Variants in CEP350 observed in about 807,000 individuals in gnomAD.
CEP350 encodes the protein centrosome-associated protein 350.
A neutral mutation model predicts 331.8 loss-of-function variants in CEP350; 126 were observed. The ratio of observed to expected loss-of-function variants is 0.38; its 90% CI spans 0.33 to 0.44. CEP350 has a LOEUF of 0.44. Among genes scored for constraint, CEP350 ranks in the 20% least tolerant of loss-of-function variants. CEP350 has a pLI of 1.00. For synonymous variants in CEP350, 1,200 were observed against 1,259.5 expected (o/e 0.95, Z 1.00); for missense variants, 3,406 against 3,634.6 (o/e 0.94, Z 1.62).
intron 1 of CEP350, among the ~76,000 whole-genome samples, chr1:179,978,851 T>A (rs1652067792): frequency 6.6e-6 from 1 of 152,212 alleles, no homozygotes; most frequent in Admixed American, 6.5e-5. Flanking sequence ...ATTTGGTTAC[T>A]GTTTACATGC....
rs550119946 is a variant in CEP350 at position 180,094,705 on chromosome 1, CTG to C, written c.8511+92_8511+93del. 7.7e-5 allele frequency: 103 copies of C among 1,342,346 alleles called. No individual in the cohort carries two copies. In the African/African-American group the frequency reaches 1.4e-3, roughly 18 times the overall value. The allele number at this position is 1,342,346 out of a possible 1,614,324, so 83.2% of individuals were successfully genotyped here. On this transcript the variant is annotated intron_variant, in intron 34 of 37. Transcript: ENST00000367607. ...CTTGCCTATATAGTACATTTTAATT[CTG>C]TGACTCCTGATAGGTTTTTTTTCCC...
Position 179,990,617 on chromosome 1 carries a change from A to G in CEP350, c.231A>G (p.Arg77=). Residue 77 remains arginine (R), a synonymous_variant, in exon 4 of 38, where the codon AGA becomes AGG. Coordinates refer to ENST00000367607, the MANE Select transcript of CEP350 (RefSeq NM_014810.5). ...CAAGTGCTACTCGAAAAATAAGTAG[A>G]AAAGGTATGTATGAAGTTACTTCCA... ...SSTSATRKIS[R]KDGRYLDDSW... 2 of 1,544,488 alleles carry G rather than the reference A, an allele frequency of 1.3e-6. No individual in the cohort carries two copies. Among genetic ancestry groups the G allele is most frequent in the Non-Finnish European group, 1.8e-6 (2 of 1,127,874 alleles).
chr1:179,967,587 T>C (rs1299770243), intron 1 of CEP350, among the ~76,000 whole-genome samples: 2 of 152,088 alleles, frequency 1.3e-5, no homozygotes, highest in African/African-American at 2.4e-5. Flanking sequence ...AATTTTTGTA[T>C]TTTTAATAGA....
intron 15 of CEP350, among the ~76,000 whole-genome samples, chr1:180,031,772 C>T (rs1055770100): frequency 3.3e-5 from 5 of 151,996 alleles, no homozygotes; most frequent in African/African-American, 9.7e-5. Context: ...TGCTGAATGC[C>T]GTTGTTACAA....
At position 180,113,474 on chromosome 1, in the gene CEP350, G is replaced by C. The variant is rs996854201; in HGVS notation, c.*2313G>C. 1 of 151,986 alleles carries C rather than the reference G, an allele frequency of 6.6e-6. No homozygotes were observed. Among genetic ancestry groups the C allele is most frequent in the African/African-American group, 2.4e-5 (1 of 41,374 alleles). 9.4% of individuals were successfully genotyped at this position (151,986 alleles called of 1,614,324 possible). A position where few individuals can be genotyped will look rare whatever the true frequency, so the allele number is the denominator to read the frequency against. The stretch of plus-strand genomic sequence containing the variant: ...GTAGCTGTCCTGACAGACTCCAACT[G>C]TCTTTACTATCTGAAGAATCCTAGG... On this transcript the variant is annotated 3_prime_UTR_variant, in exon 38 of 38. Transcript: ENST00000367607.
At chr1:180,010,077 G>A (rs1571861657) in intron 8 of CEP350, among the ~76,000 whole-genome samples, 3 of 152,080 alleles carry the variant, frequency 2.0e-5, no homozygotes. Flanking sequence ...AATTGTAATA[G>A]TAGGTTATGG....
Position 180,090,772 on chromosome 1 carries a change from C to A in CEP350, c.6484C>A (p.Leu2162Met). 6.5e-7 allele frequency: 1 copy of A among 1,548,880 alleles called. No individual in the cohort carries two copies. ...LTESERSRGS[L>M]ESIAEHVDAS... ...AGAGTCAGAACGTTCCAGAGGATCC[C>A]TGGAGTCTATTGCTGAACATGTTGG... Residue 2162 changes from leucine to methionine, a missense_variant, in exon 33 of 38, where the codon CTG becomes ATG. By Grantham distance (15) the Leu-to-Met change is conservative. Transcript: ENST00000367607.
At chr1:180,067,845 G>C (rs1232663334) in intron 27 of CEP350, among the ~76,000 whole-genome samples, 3 of 152,208 alleles carry the variant, frequency 2.0e-5, no homozygotes, top group Non-Finnish European at 2.9e-5. Context: ...GAGCACCATA[G>C]TTTGATCTCC....
chr1:180,001,853 C>T (rs932995884), intron 6 of CEP350, among the ~76,000 whole-genome samples: 5 of 152,098 alleles, frequency 3.3e-5, no homozygotes, highest in South Asian at 2.1e-4. Flanking sequence ...GATTTATGAT[C>T]GGTATTCTTT....
intron 27 of CEP350, among the ~76,000 whole-genome samples, chr1:180,072,832 A>G (rs1212514486): frequency 1.3e-5 from 2 of 152,096 alleles, no homozygotes; most frequent in African/African-American, 4.8e-5. Flanking sequence ...TACTGATATT[A>G]CTCCTTGCCC....
chr1:180,028,808 AAAAG>A (rs1655835846), intron 14 of CEP350, among the ~76,000 whole-genome samples: 1 of 152,168 alleles, frequency 6.6e-6, no homozygotes, highest in African/African-American at 2.4e-5. Flanking sequence ...GTCTCAAAAA[AAAAG>A]AAAAAATCAT....
At position 180,087,623 on chromosome 1, in the gene CEP350, G is replaced by A; in HGVS notation, c.6331G>A (p.Asp2111Asn). 1 of 1,552,104 alleles carries A rather than the reference G, an allele frequency of 6.4e-7. No homozygotes were observed. The highest frequency in any genetic ancestry group is 8.7e-7 in the Non-Finnish European group (1 of 1,146,450). Residue 2111 changes from aspartate (D) to asparagine (N), a missense_variant, in exon 32 of 38, where the codon GAT (aspartate) becomes AAT (asparagine). This residue lies in a region of CEP350 where 1,415 missense variants were observed against 1,512.3 expected (regional missense o/e 0.94). Transcript: ENST00000367607. ...GAAAACTGAAGCCGAGCTTAGCCAAGATTTGGAAACATCACCAACAGCCAA... is the reference window on the plus strand; with the variant it reads ...GAAAACTGAAGCCGAGCTTAGCCAAAATTTGGAAACATCACCAACAGCCAA... ...IKKTEAELSQ[D>N]LETSPTAKPQ...
Position 180,052,979 on chromosome 1 carries a change from C to G in CEP350, c.4802C>G (p.Ser1601Cys). 1.5e-6 allele frequency: 2 copies of G among 1,295,394 alleles called. No individual in the cohort carries two copies. Among genetic ancestry groups the G allele is most frequent in the Non-Finnish European group, 2.2e-6 (2 of 904,736 alleles). The allele number at this position is 1,295,394 out of a possible 1,614,324, so 80.2% of individuals were successfully genotyped here. A position where few individuals can be genotyped will look rare whatever the true frequency, so the allele number is the denominator to read the frequency against. The change falls in exon 23 of 38, where the codon TCT (serine) becomes TGT (cysteine). Residue 1601 changes from serine to cysteine, a missense_variant. Around this residue, in one of 5 missense-constraint regions of CEP350, gnomAD observed 1,857 missense variants for 1,909.2 expected, o/e 0.97. Coordinates refer to ENST00000367607, the MANE Select transcript of CEP350 (RefSeq NM_014810.5). The part of the protein sequence containing the change: ...PSLPDEKDST[S>C]IATEYSLKFD... ...CTCCATATTCTTTTAGACTCAACGT[C>G]TATTGCAACAGAATATTCTCTGAAA...
intron 27 of CEP350, among the ~76,000 whole-genome samples, chr1:180,065,885 A>C (rs1658521671): frequency 6.6e-6 from 1 of 152,098 alleles, no homozygotes; most frequent in African/African-American, 2.4e-5. Context: ...AGAAATTTTC[A>C]ATAAAATTTC....
At chr1:179,957,334 CATG>C (rs1378358876) in intron 1 of CEP350, among the ~76,000 whole-genome samples, 3 of 152,072 alleles carry the variant, frequency 2.0e-5, no homozygotes, top group African/African-American at 7.2e-5. Context: ...ATTTTTGCAA[CATG>C]AGGCAAATTT....
chr1:180,066,845 A>G (rs561221235), intron 27 of CEP350, among the ~76,000 whole-genome samples: 1 of 152,352 alleles, frequency 6.6e-6, no homozygotes, highest in East Asian at 1.9e-4. Flanking sequence ...CAAAATTAGA[A>G]TAATCTCTCA....
chr1:180,015,767 G>A (rs1193452636), intron 10 of CEP350, 82 bp from the exon 11 acceptor site: 4 of 1,459,988 alleles, frequency 2.7e-6, no homozygotes, highest in Non-Finnish European at 3.7e-6. Context: ...TAGAGCTGAG[G>A]TGACTTAATG....
At chr1:179,983,267 C>T (rs1571814772) in intron 1 of CEP350, among the ~76,000 whole-genome samples, 1 of 151,996 alleles carries the variant, frequency 6.6e-6, no homozygotes, top group Non-Finnish European at 1.5e-5. Context: ...CGGAGTCTCG[C>T]TCTCTTGCTC....
rs1330423492 is a variant in CEP350, at chr1:180,094,053, C to T, written c.7948C>T (p.His2650Tyr). The T allele has an allele frequency of 1.9e-6, 3 of 1,613,798 alleles. No homozygotes were observed. The South Asian group carries it at 3.3e-5, about 18-fold the overall frequency. ...VQDISGVLEAHVHQQSSVDSQ... is the reference protein window; with the variant it reads ...VQDISGVLEAYVHQQSSVDSQ... ...GGACATTTCTGGGGTACTTGAAGCC[C>T]ATGTTCACCAGCAGTCTTCAGTGGA... is the stretch of plus-strand genomic sequence containing the variant. Residue 2650 changes from histidine to tyrosine, a missense_variant, in exon 34 of 38, where the codon CAT becomes TAT. This residue lies in a region of CEP350 where 1,415 missense variants were observed against 1,512.3 expected (regional missense o/e 0.94). Transcript: ENST00000367607.
Sources: gnomAD v4.1 joint callset for allele counts (sites outside exome capture counted in the v4.1 genomes callset) on GRCh38, gnomAD v4.1.1 for gene constraint, gnomAD v4.1.1 regional missense constraint, MANE v1.5 for transcripts, NCBI Gene and HGNC (gene_info 2026-07-23, HGNC 2026-07-21) for gene names.